The following ADGRB3 variants were observed in gnomAD, a reference collection of about 807,000 sequenced individuals.
ADGRB3 encodes the protein brain-specific angiogenesis inhibitor 3.
ADGRB3 carries 37 observed loss-of-function variants against 193.4 expected under a neutral mutation model. The observed-to-expected ratio is 0.19, with a 90% CI of 0.15 to 0.25. The LOEUF is 0.25. ADGRB3 is among the 10% of genes least tolerant of loss of function. The pLI, the probability that ADGRB3 is intolerant of heterozygous loss-of-function variation, is 1.00. For synonymous variants in ADGRB3, 690 were observed against 644.2 expected, an observed-to-expected ratio of 1.07 and a Z score of -1.08; for missense variants, 1,637 against 1,852.9, an observed-to-expected ratio of 0.88 and a Z score of 2.14.
chr6:68,721,651 TATATAA>T (rs1297452556), intron 3 of ADGRB3, among the ~76,000 whole-genome samples: 1 of 136,650 alleles, frequency 7.3e-6, no homozygotes, highest in African/African-American at 2.7e-5. Flanking sequence ...TATATATATA[TATATAA>T]ATTATCATCT....
intron 6 of ADGRB3, among the ~76,000 whole-genome samples, chr6:68,952,097 G>T (rs984236346): frequency 5.9e-5 from 9 of 152,140 alleles, no homozygotes; most frequent in South Asian, 2.1e-4. Flanking sequence ...ATCTGGAAAT[G>T]CTTAAATATC....
intron 20 of ADGRB3, among the ~76,000 whole-genome samples, chr6:69,321,504 T>C (rs895912541): frequency 6.6e-6 from 1 of 151,668 alleles, no homozygotes; most frequent in Non-Finnish European, 1.5e-5. Context: ...GTGAGTCCAG[T>C]GATAGTGATA....
chr6:68,915,334 G>A (rs1017659898), intron 3 of ADGRB3, among the ~76,000 whole-genome samples: 1 of 152,098 alleles, frequency 6.6e-6, no homozygotes, highest in African/African-American at 2.4e-5. Flanking sequence ...TCATTGGAAA[G>A]AATTCCAGCC....
chr6:69,147,343 T>C (rs1447155593), intron 17 of ADGRB3, among the ~76,000 whole-genome samples: 1 of 152,214 alleles, frequency 6.6e-6, no homozygotes, highest in African/African-American at 2.4e-5. Flanking sequence ...TATGTTTTGC[T>C]TCCATTATCA....
chr6:68,843,355 A>C (rs556532913), intron 3 of ADGRB3, among the ~76,000 whole-genome samples: 13 of 152,230 alleles, frequency 8.5e-5, no homozygotes, highest in African/African-American at 3.1e-4. Context: ...AACATATAAA[A>C]ATCATTAATA....
intron 3 of ADGRB3, among the ~76,000 whole-genome samples, chr6:68,810,559 C>T (rs969056293): frequency 2.6e-5 from 4 of 152,162 alleles, no homozygotes; most frequent in Non-Finnish European, 2.9e-5. Context: ...AGGAAGTCAA[C>T]GGATCTTTCC....
intron 29 of ADGRB3, among the ~76,000 whole-genome samples, chr6:69,370,989 G>A (rs1309120215): frequency 6.6e-6 from 1 of 151,960 alleles, no homozygotes; most frequent in African/African-American, 2.4e-5. Flanking sequence ...TGGGCTCAAT[G>A]CCTGGATGTC....
intron 17 of ADGRB3, among the ~76,000 whole-genome samples, chr6:69,139,927 A>T (rs552087468): frequency 1.3e-5 from 2 of 152,366 alleles, no homozygotes; most frequent in African/African-American, 4.8e-5. Flanking sequence ...TTTTAATAAG[A>T]CCTATAGAAA....
At chr6:68,666,058 A>G (rs904314842) in intron 3 of ADGRB3, among the ~76,000 whole-genome samples, 6 of 151,866 alleles carry the variant, frequency 4.0e-5, no homozygotes, top group African/African-American at 1.4e-4. Context: ...TTTACCTCTG[A>G]CCTTAGGCGA....
chr6:69,148,464 A>T (rs756149657), intron 17 of ADGRB3, among the ~76,000 whole-genome samples: 2 of 151,966 alleles, frequency 1.3e-5, no homozygotes, highest in Admixed American at 6.5e-5. Context: ...TTAACTTTTT[A>T]TTGTTTCCAT....
At chr6:69,333,371 G>A (rs1768768066) in intron 24 of ADGRB3, among the ~76,000 whole-genome samples, 1 of 152,066 alleles carries the variant, frequency 6.6e-6, no homozygotes, top group Admixed American at 6.6e-5. Context: ...CACAGTGTTG[G>A]TATGTGACAG....
chr6:68,754,988 T>C (rs1029159149), intron 3 of ADGRB3, among the ~76,000 whole-genome samples: 6 of 152,098 alleles, frequency 3.9e-5, no homozygotes, highest in Admixed American at 2.6e-4. Context: ...TACTGAGAAC[T>C]TGGGATGGGT....
Position 69,340,009 on chromosome 6 carries a change from T to C in ADGRB3, c.3459+505T>C, listed in dbSNP as rs79387329. On this transcript the variant is annotated intron_variant, in intron 26 of 31. Transcript: ENST00000370598. ...TTAGATCTTTTGTCTCTATACTAAG[T>C]TTTGGTTATGATTGCTATGGATTAT... Among the ~76,000 whole-genome samples the C allele has an allele frequency of 5.0e-3, 758 of 152,254 alleles. 10 individuals are homozygous for C. The highest frequency in any genetic ancestry group is 0.018 in the African/African-American group (728 of 41,554).
intron 26 of ADGRB3, among the ~76,000 whole-genome samples, chr6:69,346,948 G>A (rs903134947): frequency 1.3e-5 from 2 of 152,084 alleles, no homozygotes; most frequent in Non-Finnish European, 2.9e-5. Flanking sequence ...GCAAAGACTT[G>A]GAACTAACCC....
intron 6 of ADGRB3, among the ~76,000 whole-genome samples, chr6:68,944,450 C>T (rs1473110154): frequency 6.6e-6 from 1 of 152,114 alleles, no homozygotes; most frequent in Non-Finnish European, 1.5e-5. Context: ...CTTTCTAGAT[C>T]TCTTGCTGGA....
At chr6:68,871,911 T>A (rs935939538) in intron 3 of ADGRB3, among the ~76,000 whole-genome samples, 1 of 152,098 alleles carries the variant, frequency 6.6e-6, no homozygotes, top group Non-Finnish European at 1.5e-5. Context: ...TTCATTGGAG[T>A]TAAGTCTATT....
At chr6:69,113,488 A>G (rs544652077) in intron 17 of ADGRB3, among the ~76,000 whole-genome samples, 1 of 152,274 alleles carries the variant, frequency 6.6e-6, no homozygotes, top group Non-Finnish European at 1.5e-5. Flanking sequence ...AACTAAAGTT[A>G]TAATTAGTAA....
chr6:69,173,858 A>G (rs1775353806), intron 17 of ADGRB3, among the ~76,000 whole-genome samples: 1 of 152,208 alleles, frequency 6.6e-6, no homozygotes, highest in African/African-American at 2.4e-5. Flanking sequence ...GAGCACCCCA[A>G]AGCGTTTTAT....
chr6:69,257,392 G>T (rs886795816), intron 20 of ADGRB3, among the ~76,000 whole-genome samples: 3 of 152,134 alleles, frequency 2.0e-5, no homozygotes, highest in Non-Finnish European at 4.4e-5. Context: ...CCTGTTATTG[G>T]TCTATTCAGA....
Sources: gnomAD v4.1 joint callset for allele counts (sites outside exome capture counted in the v4.1 genomes callset) on GRCh38, gnomAD v4.1.1 for gene constraint, MANE v1.5 for transcripts, NCBI Gene and HGNC (gene_info 2026-07-23, HGNC 2026-07-21) for gene names.